The following CSMD2 variants were observed in gnomAD, a reference collection of about 807,000 sequenced individuals.
CSMD2 encodes CUB and Sushi multiple domains 2, also known as CUB and sushi domain-containing protein 2.
In CSMD2, 130 loss-of-function variants were observed where a neutral mutation model predicts 398.5. The ratio of observed to expected loss-of-function variants is 0.33; its 90% CI spans 0.28 to 0.38. The LOEUF is 0.38. CSMD2 is among the 10% of genes least tolerant of loss of function. The pLI is 1.00. For missense variants in CSMD2, 3,829 were observed against 4,764.9 expected (o/e 0.80, Z 5.78); for synonymous variants, 1,828 against 1,908.5 (o/e 0.96, Z 1.10).
Position 33,533,812 on chromosome 1 carries a change from G to A in CSMD2, c.9975C>T (p.Thr3325=), listed in dbSNP as rs1655491214. The change falls in exon 63 of 71, where the codon ACC becomes ACT. Residue 3325 remains threonine, a synonymous_variant. Transcript: ENST00000373381. This position sits in a 1 kb window ranked among gnomAD's most constrained non-coding sequence, Gnocchi z 4.2. ...TCLPNLTWSG[T]PPDCVPHHCR... is the part of the protein sequence containing the mutation. The stretch of plus-strand genomic sequence containing the variant: ...TGCACTCACGGACACAGTCAGGTGG[G>A]GTTCCACTCCAGGTCAGGTTTGGGA... The A allele has an allele frequency of 6.2e-7, 1 of 1,612,472 alleles. No homozygotes were observed. The highest frequency in any genetic ancestry group is 1.7e-5 in the Admixed American group (1 of 60,000).
chr1:33,782,630 G>A (rs1449012596), intron 12 of CSMD2, among the ~76,000 whole-genome samples: 6 of 152,154 alleles, frequency 3.9e-5, no homozygotes, highest in African/African-American at 1.4e-4. Context: ...GGACCAAAAG[G>A]GAATTGAGAG....
At chr1:33,997,675 A>T (rs893076716) in intron 3 of CSMD2, among the ~76,000 whole-genome samples, 1 of 152,208 alleles carries the variant, frequency 6.6e-6, no homozygotes, top group Non-Finnish European at 1.5e-5. Context: ...GAGTAATAAA[A>T]ATCTTTTTTT....
chr1:34,080,921 GGAAA>G (rs10522397), intron 2 of CSMD2, among the ~76,000 whole-genome samples: 3,297 of 125,054 alleles, frequency 0.026, 64 homozygotes, highest in South Asian at 0.059. Context: ...CTAACTGAGT[GGAAA>G]GAAAGAAAGA....
chr1:34,160,197 G>T (rs1641201736), intron 1 of CSMD2, among the ~76,000 whole-genome samples: 1 of 152,154 alleles, frequency 6.6e-6, no homozygotes, highest in African/African-American at 2.4e-5. Context: ...CCAGTCCCTG[G>T]TGCATGATTC....
intron 10 of CSMD2, among the ~76,000 whole-genome samples, chr1:33,793,121 G>A (rs1027158529): frequency 2.0e-5 from 3 of 152,234 alleles, no homozygotes; most frequent in African/African-American, 7.2e-5. Context: ...CATGGTATCT[G>A]CCCTCGCTAA....
rs116591270 is a variant in CSMD2, at chr1:33,772,514, C to T, written c.1846+55G>A. 1.7e-3 allele frequency: 2,601 copies of T among 1,534,474 alleles called. 33 individuals carry two copies. The African/African-American group carries it at 0.031, about 18-fold the overall frequency. ...CGGGGCCCCTGGATTAGCTAGGAAA[C>T]GGGCCCCTGCCTCTCAGTGAAGACC... On this transcript the variant is annotated intron_variant, in intron 13 of 70. Transcript: ENST00000373381.
intron 53 of CSMD2, 109 bp downstream of exon 53, chr1:33,567,478 CATATAT>C (rs774765893): frequency 4.3e-6 from 2 of 469,814 alleles, no homozygotes; most frequent in South Asian, 8.1e-5. Context: ...AAATAGCAAT[CATATAT>C]ATATATATAT....
At chr1:33,610,958 C>G in intron 41 of CSMD2, 83 bp downstream of exon 41, 4 of 1,357,776 alleles carry the variant, frequency 2.9e-6, no homozygotes, top group Non-Finnish European at 3.1e-6. Flanking sequence ...TGTTTTCCCC[C>G]ACATGGAAGG....
At chr1:33,691,441 C>T (rs1347432100) in intron 25 of CSMD2, among the ~76,000 whole-genome samples, 1 of 152,108 alleles carries the variant, frequency 6.6e-6, no homozygotes, top group Non-Finnish European at 1.5e-5. Context: ...CAGAGTTTAG[C>T]TAAAAAATTT....
chr1:33,910,366 C>A (rs776042842), intron 5 of CSMD2, among the ~76,000 whole-genome samples: 2 of 152,182 alleles, frequency 1.3e-5, no homozygotes, highest in Non-Finnish European at 2.9e-5. Flanking sequence ...GGCTCCATGC[C>A]AATGGCAAAA....
intron 1 of CSMD2, among the ~76,000 whole-genome samples, chr1:34,157,908 T>G (rs1395275198): frequency 6.6e-6 from 1 of 152,148 alleles, no homozygotes; most frequent in Non-Finnish European, 1.5e-5. Context: ...GGATGTATAG[T>G]GGGTCATGAC....
chr1:34,086,881 C>T (rs1267546411), intron 2 of CSMD2, among the ~76,000 whole-genome samples: 1 of 152,106 alleles, frequency 6.6e-6, no homozygotes, highest in Non-Finnish European at 1.5e-5. Flanking sequence ...CCTTCTGCCA[C>T]CTCCCAGCCT....
chr1:33,895,992 A>G (rs970319514), intron 5 of CSMD2, among the ~76,000 whole-genome samples: 3 of 152,002 alleles, frequency 2.0e-5, no homozygotes, highest in Admixed American at 6.5e-5. Flanking sequence ...GCATCTCCCC[A>G]CGCTTCCCAG....
chr1:33,662,832 A>G (rs1222225398), intron 26 of CSMD2, 58 bp downstream of exon 26: 3 of 1,454,362 alleles, frequency 2.1e-6, no homozygotes, highest in Non-Finnish European at 2.9e-6. Context: ...GGCCAGAGGA[A>G]GGTGGGTGCC....
At chr1:33,803,835 T>G (rs1655903854) in intron 10 of CSMD2, among the ~76,000 whole-genome samples, 1 of 152,242 alleles carries the variant, frequency 6.6e-6, no homozygotes, top group Non-Finnish European at 1.5e-5. Flanking sequence ...ATCTTCCTGC[T>G]ATTGCTTTAG....
chr1:34,077,456 C>CAAAA (rs34856451), intron 2 of CSMD2, among the ~76,000 whole-genome samples: 14 of 28,468 alleles, frequency 4.9e-4, no homozygotes, highest in Admixed American at 9.1e-4. Flanking sequence ...AACTCCGTCT[C>CAAAA]AAAAAAAAAA....
chr1:33,874,465 G>A (rs1185752914), intron 5 of CSMD2, among the ~76,000 whole-genome samples: 1 of 152,186 alleles, frequency 6.6e-6, no homozygotes, highest in Non-Finnish European at 1.5e-5. Context: ...TCTGTCCTGT[G>A]TCTCCCTTCT....
At position 33,533,768 on chromosome 1, in the gene CSMD2, T is replaced by C. The variant is rs781340572; in HGVS notation, c.9991+28A>G. The C allele has an allele frequency of 2.0e-6, 3 of 1,473,446 alleles. No individual in the cohort carries two copies. The highest frequency in any genetic ancestry group is 1.4e-5 in the African/African-American group (1 of 72,228). The allele number at this position is 1,473,446 out of a possible 1,614,324, so 91.3% of individuals were successfully genotyped here. A position where few individuals can be genotyped will look rare whatever the true frequency, so the allele number is the denominator to read the frequency against. On this transcript the variant is annotated intron_variant, in intron 63 of 70. Coordinates refer to ENST00000373381, the MANE Select transcript of CSMD2 (RefSeq NM_001281956.2). The surrounding 1 kb of genome is among the most constrained non-coding windows in gnomAD (Gnocchi z 4.2). ...CCCAGCTGGGGCAAGAGGAATTTTC[T>C]TGGGATGTGGGTGAAGTCTGCACTC...
intron 2 of CSMD2, among the ~76,000 whole-genome samples, chr1:34,076,486 G>C (rs113378594): frequency 1.2e-4 from 18 of 152,312 alleles, no homozygotes; most frequent in African/African-American, 3.8e-4. Context: ...CAACCTAGTA[G>C]ATGTCATCAG....
Sources: allele counts gnomAD v4.1 joint callset (sites outside exome capture counted in the v4.1 genomes callset), GRCh38; gene constraint gnomAD v4.1.1; non-coding constraint Gnocchi (gnomAD v3.1); transcripts MANE v1.5; gene names NCBI Gene and HGNC (gene_info 2026-07-23, HGNC 2026-07-21).